Variants in FOXP1 observed in about 807,000 individuals in gnomAD.
FOXP1 encodes the protein forkhead box P1, also known as forkhead box protein P1.
A neutral mutation model predicts 98.2 loss-of-function variants in FOXP1; 15 were observed. That is an observed-to-expected ratio of 0.15 (90% CI 0.10 to 0.24). The LOEUF (loss-of-function observed/expected upper bound fraction) is 0.24. Ranked by LOEUF, FOXP1 falls within the 10% of genes least tolerant of loss-of-function variation. The pLI is 1.00. For synonymous variants in FOXP1, 371 were observed against 314.5 expected (o/e 1.18, Z -1.90); for missense variants, 633 against 848.5 (o/e 0.75, Z 3.15).
At chr3:71,429,764 G>A (rs1389742040) in intron 3 of FOXP1, among the ~76,000 whole-genome samples, 10 of 152,168 alleles carry the variant, frequency 6.6e-5, no homozygotes, top group African/African-American at 4.8e-5. Flanking sequence ...AAGAATCACC[G>A]TCATTGAAAG....
chr3:71,021,259 A>C (rs1439495984), intron 11 of FOXP1, among the ~76,000 whole-genome samples: 2 of 152,136 alleles, frequency 1.3e-5, no homozygotes, highest in Non-Finnish European at 2.9e-5. Flanking sequence ...AGGTGTGTCT[A>C]TTTTGGACAT....
At chr3:71,307,762 C>T (rs1443050359) in intron 4 of FOXP1, among the ~76,000 whole-genome samples, 2 of 152,158 alleles carry the variant, frequency 1.3e-5, no homozygotes, top group Non-Finnish European at 2.9e-5. Context: ...ATATCTCATA[C>T]TGGTTGAGCA....
rs936747250 is a variant in FOXP1 at position 70,955,256 on chromosome 3, C to A, written c.*3991G>T. Reference sequence around the variant, plus strand: ...GGAAAAAAAAGCTAGTGATTTACAGCCTATCTTGGGTTAAGAATCCAAGGT... The same window carrying A: ...GGAAAAAAAAGCTAGTGATTTACAGACTATCTTGGGTTAAGAATCCAAGGT... On this transcript the variant is annotated 3_prime_UTR_variant, in exon 21 of 21. Coordinates refer to ENST00000649528, the MANE Select transcript of FOXP1 (RefSeq NM_001349338.3). 4.3e-6 allele frequency: 1 copy of A among 232,574 alleles called. No individual in the cohort carries two copies. Among genetic ancestry groups the A allele is most frequent in the Admixed American group, 5.6e-5 (1 of 17,754 alleles). The allele number at this position is 232,574 out of a possible 1,614,324, so 14.4% of individuals were successfully genotyped here.
chr3:71,173,063 TC>T (rs1442269167), intron 6 of FOXP1, among the ~76,000 whole-genome samples: 2 of 152,170 alleles, frequency 1.3e-5, no homozygotes, highest in Admixed American at 1.3e-4. Flanking sequence ...ATCAACATTC[TC>T]AGATTTTTCG....
At chr3:71,346,531 T>C (rs1265682351) in intron 4 of FOXP1, among the ~76,000 whole-genome samples, 2 of 152,202 alleles carry the variant, frequency 1.3e-5, no homozygotes, top group Non-Finnish European at 2.9e-5. Context: ...TCCAACCTTA[T>C]AATAAGTCTG....
chr3:71,376,729 T>C (rs2079743522), intron 3 of FOXP1, among the ~76,000 whole-genome samples: 1 of 152,190 alleles, frequency 6.6e-6, no homozygotes. Flanking sequence ...CTTTTCCTCT[T>C]AACCCCTCGA....
intron 4 of FOXP1, among the ~76,000 whole-genome samples, chr3:71,353,145 T>A (rs2077910191): frequency 6.6e-6 from 1 of 152,186 alleles, no homozygotes; most frequent in African/African-American, 2.4e-5. Flanking sequence ...CACCTGGCAC[T>A]GAGAGACTGC....
chr3:71,133,772 T>A (rs1232821807), intron 6 of FOXP1, among the ~76,000 whole-genome samples: 1 of 152,012 alleles, frequency 6.6e-6, no homozygotes, highest in Non-Finnish European at 1.5e-5. Flanking sequence ...TGGAGTTGAG[T>A]ACACGTTACA....
intron 6 of FOXP1, among the ~76,000 whole-genome samples, chr3:71,197,042 A>C (rs1259872284): frequency 6.6e-6 from 1 of 152,196 alleles, no homozygotes; most frequent in African/African-American, 2.4e-5. Flanking sequence ...ATTCCTTAAA[A>C]AACTCTTCGC....
chr3:70,989,329 G>A (rs1374606669), intron 13 of FOXP1, among the ~76,000 whole-genome samples: 2 of 151,680 alleles, frequency 1.3e-5, no homozygotes, highest in Non-Finnish European at 2.9e-5. Flanking sequence ...TTCCCTTGTG[G>A]TTCAGGGAGG....
intron 10 of FOXP1, among the ~76,000 whole-genome samples, chr3:71,042,631 T>C (rs1304467731): frequency 6.6e-6 from 1 of 152,218 alleles, no homozygotes; most frequent in Non-Finnish European, 1.5e-5. Flanking sequence ...TTGCAGTTCA[T>C]TGTTTCAATC....
Position 71,232,283 on chromosome 3 carries a change from T to C in FOXP1, c.-11-33891A>G, listed in dbSNP as rs1033438920. 2.6e-5 allele frequency among the ~76,000 whole-genome samples: 4 copies of C among 152,326 alleles called. 1 individual carries two copies. The highest frequency in any genetic ancestry group is 2.0e-4 in the Admixed American group (3 of 15,298). On this transcript the variant is annotated intron_variant, in intron 5 of 20. Coordinates refer to ENST00000649528, the MANE Select transcript of FOXP1 (RefSeq NM_001349338.3). ...TACATTTCAGTCAAGTGCTATCGAT[T>C]ATCAGTGGCTGGCACTCCTTGAGAG...
intron 19 of FOXP1, chr3:70,966,452 A>G (rs528133494): frequency 3.5e-6 from 1 of 281,762 alleles, no homozygotes; most frequent in African/African-American, 2.2e-5. Flanking sequence ...TGACTCCAGT[A>G]TTGGATATTA....
At chr3:71,157,188 T>C (rs1204390493) in intron 6 of FOXP1, among the ~76,000 whole-genome samples, 1 of 152,026 alleles carries the variant, frequency 6.6e-6, no homozygotes, top group Non-Finnish European at 1.5e-5. Flanking sequence ...ACCAAACAGG[T>C]ATAGATTTTC....
Position 70,958,220 on chromosome 3 carries a change from G to GA in FOXP1, c.*1026dup. Reference sequence around the variant, plus strand: ...GCAAAAAAAAAAAAAGAAAAGAAAAGAAAAAAAGAAAATCCGAAACACCCC... The same window carrying GA: ...GCAAAAAAAAAAAAAGAAAAGAAAAGAAAAAAAAGAAAATCCGAAACACCCC... On this transcript the variant is annotated 3_prime_UTR_variant, in exon 21 of 21. Coordinates refer to ENST00000649528, the MANE Select transcript of FOXP1 (RefSeq NM_001349338.3). The GA allele has an allele frequency of 5.1e-6, 2 of 391,278 alleles. No individual in the cohort carries two copies. Among genetic ancestry groups the GA allele is most frequent in the Non-Finnish European group, 9.6e-6 (2 of 208,848 alleles). The allele number at this position is 391,278 out of a possible 1,614,324, so 24.2% of individuals were successfully genotyped here. A position where few individuals can be genotyped will look rare whatever the true frequency, so the allele number is the denominator to read the frequency against.
intron 6 of FOXP1, among the ~76,000 whole-genome samples, chr3:71,181,447 G>C (rs150887292): frequency 2.2e-3 from 331 of 152,328 alleles, no homozygotes; most frequent in Admixed American, 4.9e-3. Context: ...TTACAGATGA[G>C]AAAAGTGAGG....
In FOXP1 at chr3:71,199,351, C is replaced by T. The variant is rs549249585; in HGVS notation, c.-11-959G>A. Among the ~76,000 whole-genome samples, 3 of 152,160 alleles carry T rather than the reference C, an allele frequency of 2.0e-5. 1 individual carries two copies. The South Asian group carries it at 6.2e-4, about 32-fold the overall frequency. On this transcript the variant is annotated intron_variant, in intron 5 of 20. Transcript: ENST00000649528. ...AACTCATGACCTCAGGTGATGCACC[C>T]GTCTCGGCCTCCCGAAGTGCTGGGA... is the stretch of plus-strand genomic sequence containing the variant.
intron 6 of FOXP1, among the ~76,000 whole-genome samples, chr3:71,154,943 T>C (rs2060748138): frequency 6.6e-6 from 1 of 152,122 alleles, no homozygotes; most frequent in African/African-American, 2.4e-5. Context: ...CTGGGGAAAA[T>C]ACAATCATTT....
chr3:71,317,754 T>A (rs2075163421), intron 4 of FOXP1, among the ~76,000 whole-genome samples: 1 of 152,124 alleles, frequency 6.6e-6, no homozygotes, highest in Non-Finnish European at 1.5e-5. Flanking sequence ...GTTATTTTCT[T>A]AAGTGTCTGA....
Sources: gnomAD v4.1 joint callset for allele counts (sites outside exome capture counted in the v4.1 genomes callset) on GRCh38, gnomAD v4.1.1 for gene constraint, MANE v1.5 for transcripts, NCBI Gene and HGNC (gene_info 2026-07-23, HGNC 2026-07-21) for gene names.